FSTL4: variants seen among roughly 807,000 people sequenced by gnomAD.
FSTL4 encodes follistatin-related protein 4.
A neutral mutation model predicts 78.2 loss-of-function variants in FSTL4; 28 were observed. The ratio of observed to expected loss-of-function variants is 0.36; its 90% CI spans 0.27 to 0.49. The LOEUF (loss-of-function observed/expected upper bound fraction) is 0.49. Among genes scored for constraint, FSTL4 ranks in the 20% least tolerant of loss-of-function variants. FSTL4 has a pLI of 0.98. For synonymous variants in FSTL4, 422 were observed against 440.5 expected, an observed-to-expected ratio of 0.96 and a Z score of 0.53; for missense variants, 922 against 1,084.9, an observed-to-expected ratio of 0.85 and a Z score of 2.11.
At chr5:133,626,340 C>G in the FSTL4 span, among the ~76,000 whole-genome samples, 1 of 67,552 alleles carries the variant, frequency 1.5e-5, no homozygotes, top group African/African-American at 1.1e-4. Flanking sequence ...ATATATATTC[C>G]ATATATATAT....
chr5:133,743,179 G>A, the FSTL4 span, among the ~76,000 whole-genome samples: 1 of 152,162 alleles, frequency 6.6e-6, no homozygotes, highest in Non-Finnish European at 1.5e-5. Flanking sequence ...AGACCTGAGA[G>A]ACTGCAGAGT....
chr5:133,697,127 C>T, the FSTL4 span, among the ~76,000 whole-genome samples: 1 of 152,224 alleles, frequency 6.6e-6, no homozygotes, highest in African/African-American at 2.4e-5. Flanking sequence ...TTTGTCTCTG[C>T]CAGTGACTAG....
chr5:133,788,926 GAA>G, the FSTL4 span, among the ~76,000 whole-genome samples: 98 of 152,242 alleles, frequency 6.4e-4, 1 homozygote, highest in East Asian at 0.011. Context: ...GGAAGGAGAA[GAA>G]AAAATACATT....
At chr5:133,439,499 A>G (rs1757106143) in intron 3 of FSTL4, among the ~76,000 whole-genome samples, 1 of 152,176 alleles carries the variant, frequency 6.6e-6, no homozygotes, top group Non-Finnish European at 1.5e-5. Context: ...TCTACCGCTA[A>G]AAAGAAACAG....
intron 4 of FSTL4, among the ~76,000 whole-genome samples, chr5:133,389,606 C>T (rs752806181): frequency 2.1e-4 from 32 of 152,312 alleles, no homozygotes; most frequent in Non-Finnish European, 3.2e-4. Context: ...ACATCTTCCT[C>T]GCCCCTGCTT....
the FSTL4 span, among the ~76,000 whole-genome samples, chr5:133,618,710 T>C: frequency 1.3e-5 from 2 of 152,222 alleles, no homozygotes; most frequent in Admixed American, 6.5e-5. Context: ...ACCCAGTTTA[T>C]CTAAGGCAAT....
intron 2 of FSTL4, among the ~76,000 whole-genome samples, chr5:133,582,307 C>T (rs1316548339): frequency 6.6e-6 from 1 of 152,156 alleles, no homozygotes; most frequent in Non-Finnish European, 1.5e-5. Context: ...CACTGGGTCA[C>T]CATATACATG....
intron 4 of FSTL4, among the ~76,000 whole-genome samples, chr5:133,333,653 C>G (rs962537553): frequency 6.6e-6 from 1 of 152,210 alleles, no homozygotes; most frequent in Non-Finnish European, 1.5e-5. Flanking sequence ...ATTTCCAGGT[C>G]TTTTAACTGA....
At chr5:133,805,092 C>A in the FSTL4 span, among the ~76,000 whole-genome samples, 2 of 151,928 alleles carry the variant, frequency 1.3e-5, no homozygotes, top group Admixed American at 1.3e-4. Context: ...CTCCCAGAAT[C>A]CCTCTCTTGG....
chr5:133,463,643 C>T (rs1757639066), intron 3 of FSTL4, among the ~76,000 whole-genome samples: 1 of 152,212 alleles, frequency 6.6e-6, no homozygotes, highest in South Asian at 2.1e-4. Flanking sequence ...CCTCCTAGGA[C>T]AAATTTCTTA....
At chr5:133,406,895 G>A (rs576959015) in intron 3 of FSTL4, among the ~76,000 whole-genome samples, 1 of 152,352 alleles carries the variant, frequency 6.6e-6, no homozygotes, top group East Asian at 1.9e-4. Context: ...ACTTGCCTAT[G>A]GTTAGACAGC....
chr5:133,772,484 G>A, the FSTL4 span, among the ~76,000 whole-genome samples: 3 of 152,134 alleles, frequency 2.0e-5, no homozygotes, highest in Non-Finnish European at 2.9e-5. Flanking sequence ...AACTGTCTTA[G>A]TCCAGTTTGT....
At chr5:133,619,853 T>C in the FSTL4 span, among the ~76,000 whole-genome samples, 11 of 152,338 alleles carry the variant, frequency 7.2e-5, no homozygotes, top group African/African-American at 2.6e-4. Flanking sequence ...TTTGGTGTAG[T>C]ATATAACAAA....
At chr5:133,255,420 T>C (rs1396221081) in intron 6 of FSTL4, among the ~76,000 whole-genome samples, 1 of 152,228 alleles carries the variant, frequency 6.6e-6, no homozygotes, top group Non-Finnish European at 1.5e-5. Flanking sequence ...AGCTCAGGGC[T>C]TCCCATGATA....
intron 4 of FSTL4, among the ~76,000 whole-genome samples, chr5:133,398,787 A>G (rs1476070367): frequency 2.6e-5 from 4 of 152,184 alleles, no homozygotes; most frequent in Admixed American, 2.6e-4. Flanking sequence ...GAAGTACCAG[A>G]ACTGAGATGC....
chr5:133,671,207 C>A, the FSTL4 span, among the ~76,000 whole-genome samples: 4 of 152,072 alleles, frequency 2.6e-5, no homozygotes, highest in African/African-American at 9.7e-5. Context: ...AGCTGATAAC[C>A]CAGGAATGAG....
chr5:133,284,854 C>A (rs1432454865), intron 6 of FSTL4, among the ~76,000 whole-genome samples: 1 of 152,108 alleles, frequency 6.6e-6, no homozygotes, highest in Non-Finnish European at 1.5e-5. Context: ...TGGAGGAAGT[C>A]CTGGGGTAGG....
the FSTL4 span, among the ~76,000 whole-genome samples, chr5:133,683,423 A>G: frequency 4.6e-5 from 7 of 152,212 alleles, no homozygotes; most frequent in African/African-American, 1.4e-4. Context: ...TTTAATGCAA[A>G]TTTAATACAC....
At chr5:133,316,085 A>G (rs1021061546) in intron 5 of FSTL4, among the ~76,000 whole-genome samples, 4 of 152,224 alleles carry the variant, frequency 2.6e-5, no homozygotes, top group Admixed American at 2.0e-4. Context: ...AGGAGCAGTG[A>G]TGTCCTAAGG....
Sources: gnomAD v4.1 joint callset for allele counts (sites outside exome capture counted in the v4.1 genomes callset) on GRCh38, gnomAD v4.1.1 for gene constraint, MANE v1.5 for transcripts, NCBI Gene and HGNC (gene_info 2026-07-23, HGNC 2026-07-21) for gene names.